Variants in PPID observed in about 807,000 individuals in gnomAD.
PPID encodes peptidyl-prolyl cis-trans isomerase D.
A neutral mutation model predicts 48.1 loss-of-function variants in PPID; 47 were observed. The ratio of observed to expected loss-of-function variants is 0.98; its 90% CI spans 0.77 to 1.25. The LOEUF (loss-of-function observed/expected upper bound fraction) is 1.25, where lower values mean the gene tolerates loss of function less well. Among genes scored for constraint, PPID ranks in the 50% most tolerant of loss-of-function variants. The pLI is 0.00. For missense variants in PPID, 429 were observed against 443.5 expected (o/e 0.97, Z 0.29); for synonymous variants, 163 against 148.8 (o/e 1.10, Z -0.69).
At chr4:158,719,627 C>T (rs1452507868) in intron 2 of PPID, among the ~76,000 whole-genome samples, 1 of 152,182 alleles carries the variant, frequency 6.6e-6, no homozygotes, top group African/African-American at 2.4e-5. Context: ...TTATGATCTG[C>T]CCCTTCCAGC....
At chr4:158,710,597 T>C in intron 9 of PPID, 31 bp downstream of exon 9, 5 of 1,602,966 alleles carry the variant, frequency 3.1e-6, no homozygotes, top group Non-Finnish European at 4.3e-6. Context: ...AATAACAAAA[T>C]TAACTTTCAC....
intron 4 of PPID, among the ~76,000 whole-genome samples, chr4:158,716,059 G>C (rs1774866061): frequency 6.6e-6 from 1 of 151,884 alleles, no homozygotes; most frequent in Admixed American, 6.6e-5. Flanking sequence ...CTTAGGCTGG[G>C]TAGTATTATG....
intron 7 of PPID, among the ~76,000 whole-genome samples, chr4:158,712,626 A>G (rs1369178641): frequency 6.6e-6 from 1 of 152,140 alleles, no homozygotes; most frequent in Non-Finnish European, 1.5e-5. Flanking sequence ...GCATGGTGGC[A>G]CATGCCTGTA....
Position 158,717,092 on chromosome 4 carries a change from CCACAT to C in PPID, c.437_441del (p.His146ArgfsTer7). 6.2e-7 allele frequency: 1 copy of C among 1,614,040 alleles called. No homozygotes were observed. The highest frequency in any genetic ancestry group is 2.2e-5 in the East Asian group (1 of 44,880). On this transcript the variant is annotated frameshift_variant, in exon 4 of 10. Coordinates refer to ENST00000307720, the MANE Select transcript of PPID (RefSeq NM_005038.3). LOFTEE classifies it high-confidence loss of function. ...ATTCCTTTAATTACTTGGCCAAACA[CCACAT>C]GTTTCCCATCCAAATGAGGAGTTGG...
In PPID at chr4:158,723,324, A is replaced by G. The variant is rs1561258869; in HGVS notation, c.-36T>C. 1 of 1,599,286 alleles carries G rather than the reference A, an allele frequency of 6.3e-7. No homozygotes were observed. Among genetic ancestry groups the G allele is most frequent in the Non-Finnish European group, 8.6e-7 (1 of 1,168,272 alleles). ...AGACGTGTTTAGTACGGAATATCAG[A>G]GTACCTAGTGGCCGCCCGGGCCGCC... On this transcript the variant is annotated 5_prime_UTR_variant, in exon 1 of 10. Coordinates refer to ENST00000307720, the MANE Select transcript of PPID (RefSeq NM_005038.3).
chr4:158,720,400 A>G (rs978355954), intron 2 of PPID, among the ~76,000 whole-genome samples: 1 of 152,228 alleles, frequency 6.6e-6, no homozygotes, highest in Non-Finnish European at 1.5e-5. Context: ...CGTTTAAAAA[A>G]TGTTGCTCTT....
At chr4:158,710,314 A>C (rs899334165) in intron 9 of PPID, 2 of 453,010 alleles carry the variant, frequency 4.4e-6, no homozygotes, top group Non-Finnish European at 7.9e-6. Context: ...ACTAACCAGA[A>C]TAGGAACACA....
chr4:158,723,012 A>G (rs1774988403), intron 1 of PPID, among the ~76,000 whole-genome samples, 192 bp downstream of exon 1: 1 of 152,230 alleles, frequency 6.6e-6, no homozygotes, highest in Non-Finnish European at 1.5e-5. Context: ...CACCGATGGC[A>G]TTGATACAAG....
intron 6 of PPID, 62 bp from the exon 7 acceptor site, chr4:158,713,322 A>G (rs1172146416): frequency 3.5e-6 from 5 of 1,439,936 alleles, no homozygotes; most frequent in East Asian, 2.4e-5. Flanking sequence ...ACTCTTCTCT[A>G]TGTCCAGAAG....
chr4:158,717,262 T>TA (rs1774888437), intron 3 of PPID, 62 bp from the exon 4 acceptor site: 1 of 1,441,938 alleles, frequency 6.9e-7, no homozygotes, highest in African/African-American at 1.4e-5. Context: ...AATTGTGTGT[T>TA]AGTCTGAACT....
chr4:158,710,662 A>G lies in PPID; in HGVS notation c.990T>C (p.Leu330=). ...LKEYDQALAD[L]KKAQGIAPED... ...CTGGTGCTATCCCCTGAGCTTTCTT[A>G]AGATCAGCCTTTAATTGGAAAAAAA... Residue 330 remains leucine (L), a synonymous_variant, in exon 9 of 10, where the codon CTT becomes CTC. Transcript: ENST00000307720. The G allele has an allele frequency of 1.9e-6, 3 of 1,613,946 alleles. No homozygotes were observed. The highest frequency in any genetic ancestry group is 2.5e-6 in the Non-Finnish European group (3 of 1,179,850).
intron 6 of PPID, among the ~76,000 whole-genome samples, chr4:158,715,086 A>G (rs1246345607): frequency 1.2e-4 from 18 of 152,206 alleles, no homozygotes; most frequent in Admixed American, 1.1e-3. Context: ...GAATGTAAGT[A>G]AAACTTATGA....
Position 158,721,419 on chromosome 4 carries a change from T to C in PPID, c.150A>G (p.Ala50=). 1.2e-6 allele frequency: 2 copies of C among 1,614,098 alleles called. No homozygotes were observed. The change falls in exon 2 of 10, where the codon GCA becomes GCG. Residue 50 remains alanine, a synonymous_variant. Coordinates refer to ENST00000307720, the MANE Select transcript of PPID (RefSeq NM_005038.3). ...IVPKTAENFR[A]LCTGEKGIGH... ...CAATGCCTTTTTCTCCTGTACACAG[T>C]GCACGAAAATTTTCCGCAGTTTTGG...
Position 158,712,945 on chromosome 4 carries a change from G to A in PPID, c.894+174C>T, listed in dbSNP as rs545734577. 3.3e-5 allele frequency among the ~76,000 whole-genome samples: 5 copies of A among 152,296 alleles called. No individual in the cohort carries two copies. In the South Asian group the frequency reaches 1.0e-3, roughly 32 times the overall value. Reference sequence around the variant, plus strand: ...GCTGTTAAGTGACACAGAGTTATAAGCAAAATGAATGTAGAGAAAGAACTG... The same window carrying A: ...GCTGTTAAGTGACACAGAGTTATAAACAAAATGAATGTAGAGAAAGAACTG... On this transcript the variant is annotated intron_variant, in intron 7 of 9. Transcript: ENST00000307720.
At chr4:158,712,932 C>T (rs906006179) in intron 7 of PPID, among the ~76,000 whole-genome samples, 187 bp downstream of exon 7, 1 of 152,154 alleles carries the variant, frequency 6.6e-6, no homozygotes, top group African/African-American at 2.4e-5. Flanking sequence ...TGTTAAGTGA[C>T]ACAGAGTTAT....
intron 9 of PPID, chr4:158,710,307 A>C (rs1351493353): frequency 6.8e-6 from 3 of 441,166 alleles, no homozygotes; most frequent in Non-Finnish European, 1.2e-5. Flanking sequence ...CGACTAGACT[A>C]ACCAGAATAG....
rs1774816754 is a variant in PPID at position 158,713,150 on chromosome 4, T to A, written c.863A>T (p.Asn288Ile). The change falls in exon 7 of 10, where the codon AAT becomes ATT. Residue 288 changes from asparagine (N) to isoleucine (I), a missense_variant. By Grantham distance (149) the Asn-to-Ile change is moderately radical (BLOSUM62 -3). Coordinates refer to ENST00000307720, the MANE Select transcript of PPID (RefSeq NM_005038.3). ...NIGACKLKMSNWQGAIDSCLE... is the reference protein window; with the variant it reads ...NIGACKLKMSIWQGAIDSCLE... ...ACAACTGTCAATTGCTCCCTGCCAA[T>A]TTGACATCTTCAGTTTACAAGCACC... 6.2e-7 allele frequency: 1 copy of A among 1,614,078 alleles called. No individual in the cohort carries two copies. The highest frequency in any genetic ancestry group is 8.5e-7 in the Non-Finnish European group (1 of 1,179,990).
At chr4:158,717,254 T>A in intron 3 of PPID, 54 bp from the exon 4 acceptor site, 2 of 1,513,368 alleles carry the variant, frequency 1.3e-6, no homozygotes, top group Middle Eastern at 1.7e-4. Flanking sequence ...CTTTTCTGAA[T>A]TGTGTGTTAG....
intron 2 of PPID, among the ~76,000 whole-genome samples, chr4:158,720,086 GCA>G (rs1255347974): frequency 6.6e-6 from 1 of 152,090 alleles, no homozygotes; most frequent in Non-Finnish European, 1.5e-5. Context: ...TATTTATTGG[GCA>G]CACTCTACCT....
Sources: gnomAD v4.1 joint callset for allele counts (sites outside exome capture counted in the v4.1 genomes callset) on GRCh38, gnomAD v4.1.1 for gene constraint, MANE v1.5 for transcripts, NCBI Gene and HGNC (gene_info 2026-07-23, HGNC 2026-07-21) for gene names.